GUCY1A2: variants seen among roughly 807,000 people sequenced by gnomAD.
GUCY1A2 encodes guanylate cyclase soluble subunit alpha-2.
A neutral mutation model predicts 63.5 loss-of-function variants in GUCY1A2; 27 were observed. That is an observed-to-expected ratio of 0.43 (90% CI 0.31 to 0.59). The LOEUF is 0.59. Ranked by LOEUF, GUCY1A2 falls within the 20% of genes least tolerant of loss-of-function variation. The probability of loss-of-function intolerance (pLI) is 0.11; values close to 1 mark genes in which losing one functional copy is unlikely to be tolerated. For synonymous variants in GUCY1A2, 364 were observed against 343.5 expected (o/e 1.06, Z -0.66); for missense variants, 768 against 913.3 (o/e 0.84, Z 2.05).
At chr11:106,898,126 G>C (rs1478615666) in intron 4 of GUCY1A2, among the ~76,000 whole-genome samples, 2 of 152,108 alleles carry the variant, frequency 1.3e-5, no homozygotes, top group African/African-American at 4.8e-5. Flanking sequence ...AGGGAAAAAT[G>C]CAGATTAAAA....
rs1862461788 is a variant in GUCY1A2, at chr11:106,683,259, ATAG to A, written c.*4287_*4289del. On this transcript the variant is annotated 3_prime_UTR_variant, in exon 8 of 8. Transcript: ENST00000526355. ...TTTGTAGCTGAAGGTCTATAATCTA[ATAG>A]TAGAAAAAACTAAGCTACGATATAG... is the stretch of plus-strand genomic sequence containing the variant. The A allele has an allele frequency of 4.6e-6, 1 of 218,662 alleles. No homozygotes were observed. Among genetic ancestry groups the A allele is most frequent in the Non-Finnish European group, 9.2e-6 (1 of 108,788 alleles). 13.5% of individuals were successfully genotyped at this position (218,662 alleles called of 1,614,324 possible). A position where few individuals can be genotyped will look rare whatever the true frequency, so the allele number is the denominator to read the frequency against.
At chr11:106,701,632 A>AG (rs558241846) in intron 7 of GUCY1A2, among the ~76,000 whole-genome samples, 4,937 of 132,094 alleles carry the variant, frequency 0.037, 124 homozygotes, top group South Asian at 0.081. Flanking sequence ...AGGAAGGGTA[A>AG]GGGGGAGGAG....
rs369677791 is a variant in GUCY1A2 at position 106,939,736 on chromosome 11, G to C, written c.930C>G (p.Ser310=). The change falls in exon 4 of 8, where the codon TCC becomes TCG. Residue 310 remains serine (S), a synonymous_variant. Coordinates refer to ENST00000526355, the MANE Select transcript of GUCY1A2 (RefSeq NM_000855.3). ...TAATTCTGAGGTCCGCAGGAACTTG[G>C]GAGGTTCCCTGTGGAAGGTTCTTCA... The part of the protein sequence containing the change: ...NIMKNLPQGT[S]QVPADLRISI... The C allele has an allele frequency of 6.2e-7, 1 of 1,613,678 alleles. No individual in the cohort carries two copies. Among genetic ancestry groups the C allele is most frequent in the African/African-American group, 1.3e-5 (1 of 75,032 alleles).
rs773163885 is a variant in GUCY1A2, at chr11:106,684,696, A to G, written c.*2853T>C. 1.3e-4 allele frequency: 27 copies of G among 203,066 alleles called. No homozygotes were observed. The highest frequency in any genetic ancestry group is 2.3e-4 in the Non-Finnish European group (23 of 98,932). The allele number at this position is 203,066 out of a possible 1,614,324, so 12.6% of individuals were successfully genotyped here. ...GCAAGAGCTATAGGTGCCAAATTAT[A>G]TTTTAAAGTATCCCTTGCAGAGTGG... On this transcript the variant is annotated 3_prime_UTR_variant, in exon 8 of 8. Coordinates refer to ENST00000526355, the MANE Select transcript of GUCY1A2 (RefSeq NM_000855.3).
At chr11:106,991,492 G>A (rs1036888056) in intron 1 of GUCY1A2, among the ~76,000 whole-genome samples, 7 of 152,080 alleles carry the variant, frequency 4.6e-5, no homozygotes, top group Admixed American at 2.0e-4. Context: ...GAATTGGTGC[G>A]GGGGGACCCA....
At chr11:106,743,960 G>A (rs759348837) in intron 6 of GUCY1A2, among the ~76,000 whole-genome samples, 10 of 152,130 alleles carry the variant, frequency 6.6e-5, no homozygotes, top group Non-Finnish European at 8.8e-5. Flanking sequence ...TAAGTCCCTA[G>A]TTTAAGAATC....
chr11:106,821,027 C>A (rs78041509), intron 4 of GUCY1A2, among the ~76,000 whole-genome samples: 1 of 63,560 alleles, frequency 1.6e-5, no homozygotes, highest in Non-Finnish European at 3.2e-5. Flanking sequence ...GATTTGAATT[C>A]TTTTTTGATA....
At chr11:106,783,541 T>C (rs535827395) in intron 5 of GUCY1A2, among the ~76,000 whole-genome samples, 108 of 152,214 alleles carry the variant, frequency 7.1e-4, no homozygotes, top group African/African-American at 2.5e-3. Context: ...AGCAATCTTA[T>C]CAGGTTCTGG....
At chr11:106,800,628 T>G (rs1476052863) in intron 5 of GUCY1A2, among the ~76,000 whole-genome samples, 2 of 152,006 alleles carry the variant, frequency 1.3e-5, no homozygotes, top group African/African-American at 4.8e-5. Context: ...CTCAGCAAAC[T>G]ATCGCAAGGA....
intron 3 of GUCY1A2, among the ~76,000 whole-genome samples, chr11:106,957,010 C>T (rs759935675): frequency 6.6e-6 from 1 of 152,150 alleles, no homozygotes; most frequent in African/African-American, 2.4e-5. Flanking sequence ...AGGGAAGCCC[C>T]GCCCACTGAG....
At chr11:106,694,771 G>A (rs1297419771) in intron 7 of GUCY1A2, among the ~76,000 whole-genome samples, 2 of 152,100 alleles carry the variant, frequency 1.3e-5, no homozygotes, top group Non-Finnish European at 2.9e-5. Context: ...GTGAGCACAG[G>A]GGTAGGAGCT....
intron 4 of GUCY1A2, among the ~76,000 whole-genome samples, chr11:106,873,204 A>G (rs1213748582): frequency 6.6e-6 from 1 of 152,086 alleles, no homozygotes; most frequent in Non-Finnish European, 1.5e-5. Flanking sequence ...TGATTTTGCT[A>G]TTATAAATAG....
intron 5 of GUCY1A2, among the ~76,000 whole-genome samples, chr11:106,805,245 A>G (rs1565295639): frequency 1.3e-5 from 1 of 79,412 alleles, no homozygotes; most frequent in Admixed American, 1.9e-4. Flanking sequence ...TTTTATCACT[A>G]ACATTTTTTT....
At chr11:106,699,820 C>A (rs186157026) in intron 7 of GUCY1A2, among the ~76,000 whole-genome samples, 8 of 150,158 alleles carry the variant, frequency 5.3e-5, no homozygotes, top group Admixed American at 4.0e-4. Context: ...CTCGGTCTGT[C>A]GCCCAGGCTG....
intron 4 of GUCY1A2, among the ~76,000 whole-genome samples, chr11:106,889,886 G>A (rs1354024485): frequency 6.6e-6 from 1 of 152,114 alleles, no homozygotes; most frequent in African/African-American, 2.4e-5. Flanking sequence ...CTTTAATGCT[G>A]ATTTTTATTT....
At chr11:106,820,003 A>T (rs1233394171) in intron 4 of GUCY1A2, among the ~76,000 whole-genome samples, 1 of 152,170 alleles carries the variant, frequency 6.6e-6, no homozygotes, top group Non-Finnish European at 1.5e-5. Context: ...GATTGAGGAG[A>T]TGTTGATCAA....
chr11:106,936,970 T>C (rs755278691), intron 4 of GUCY1A2, among the ~76,000 whole-genome samples: 9 of 152,184 alleles, frequency 5.9e-5, no homozygotes, highest in Non-Finnish European at 1.3e-4. Flanking sequence ...AATTTTTACA[T>C]ATTATTTTTC....
chr11:106,903,587 T>G (rs1353615598), intron 4 of GUCY1A2, among the ~76,000 whole-genome samples: 1 of 152,168 alleles, frequency 6.6e-6, no homozygotes, highest in African/African-American at 2.4e-5. Context: ...TTTAAAATGA[T>G]TTTGCTATCT....
intron 7 of GUCY1A2, among the ~76,000 whole-genome samples, chr11:106,700,186 A>C (rs976356718): frequency 1.3e-5 from 2 of 152,168 alleles, no homozygotes; most frequent in Admixed American, 1.3e-4. Context: ...AGAGTAAGCT[A>C]ATAGGTAAGT....
Sources: gnomAD v4.1 joint callset for allele counts (sites outside exome capture counted in the v4.1 genomes callset) on GRCh38, gnomAD v4.1.1 for gene constraint, MANE v1.5 for transcripts, NCBI Gene and HGNC (gene_info 2026-07-23, HGNC 2026-07-21) for gene names.